The following ERICH1 variants were observed in gnomAD, a reference collection of about 807,000 sequenced individuals.
ERICH1 encodes glutamate rich 1.
Under a neutral mutation model 39.6 loss-of-function variants are expected in ERICH1, and 56 were observed. That is an observed-to-expected ratio of 1.41 (90% CI 1.14 to 1.77). The LOEUF (loss-of-function observed/expected upper bound fraction) is 1.77, where lower values mean the gene tolerates loss of function less well. ERICH1 is among the 40% of genes most tolerant of loss of function. The pLI, the probability that ERICH1 is intolerant of heterozygous loss-of-function variation, is 0.00. For synonymous variants in ERICH1, 313 were observed against 223.6 expected, an observed-to-expected ratio of 1.40 and a Z score of -3.57; for missense variants, 826 against 575.4, an observed-to-expected ratio of 1.44 and a Z score of -4.45.
chr8:668,536 C>G lies in ERICH1; in HGVS notation c.1258+62G>C, dbSNP rs760410283. ...CTGTTTTGGTGGCGTGTAAGTCTTT[C>G]AGAGGCAAACCTCGATGAGAGTATC... On this transcript the variant is annotated intron_variant, in intron 5 of 5. Coordinates refer to ENST00000262109, the MANE Select transcript of ERICH1 (RefSeq NM_207332.3). The G allele has an allele frequency of 1.9e-6, 3 of 1,594,432 alleles. No individual in the cohort carries two copies. In the African/African-American group the frequency reaches 4.0e-5, roughly 21 times the overall value.
intron 3 of ERICH1, among the ~76,000 whole-genome samples, chr8:622,449 A>C (rs1797341420): frequency 6.6e-6 from 1 of 152,174 alleles, no homozygotes; most frequent in African/African-American, 2.4e-5. Context: ...GGATGCAGTG[A>C]GAAGACACCA....
chr8:650,155 T>G (rs1006872719), intron 3 of ERICH1, among the ~76,000 whole-genome samples: 3 of 152,174 alleles, frequency 2.0e-5, no homozygotes, highest in African/African-American at 7.2e-5. Context: ...GGCGCTTGCG[T>G]GTCCGGCACA....
chr8:698,668 T>A (rs190092660), intron 2 of ERICH1, among the ~76,000 whole-genome samples: 1 of 152,254 alleles, frequency 6.6e-6, no homozygotes, highest in Non-Finnish European at 1.5e-5. Context: ...CAGGTTAGAA[T>A]GCAATGATGC....
intron 1 of ERICH1, among the ~76,000 whole-genome samples, chr8:718,917 C>T (rs1004844843): frequency 6.6e-6 from 1 of 151,990 alleles, no homozygotes; most frequent in Non-Finnish European, 1.5e-5. Flanking sequence ...CATTGCACTC[C>T]AATCTGTACC....
chr8:710,478 T>A (rs1814471453), intron 2 of ERICH1, among the ~76,000 whole-genome samples: 3 of 148,808 alleles, frequency 2.0e-5, no homozygotes, highest in Admixed American at 6.6e-5. Context: ...CACCTGCTCC[T>A]TCCAGTCCTC....
rs182654273 is a variant in ERICH1, at chr8:665,599, T to C, written c.1259-923A>G. 3.8e-3 allele frequency among the ~76,000 whole-genome samples: 582 copies of C among 152,250 alleles called. 8 individuals carry two copies. Among genetic ancestry groups the C allele is most frequent in the African/African-American group, 0.013 (540 of 41,540 alleles). ...AAAAATCTAATTCCCATACAGAGAA[T>C]TAGAGGAGGTTGATGTTCGGAAATC... On this transcript the variant is annotated intron_variant, in intron 5 of 5. Coordinates refer to ENST00000262109, the MANE Select transcript of ERICH1 (RefSeq NM_207332.3).
intron 3 of ERICH1, among the ~76,000 whole-genome samples, chr8:620,941 C>T (rs2117030865): frequency 6.6e-6 from 1 of 152,256 alleles, no homozygotes; most frequent in South Asian, 2.1e-4. Flanking sequence ...ATCTACAGAA[C>T]ACTTCACCAA....
chr8:720,799 T>C lies in ERICH1; in HGVS notation c.23-4792A>G, dbSNP rs62484218. On this transcript the variant is annotated intron_variant, in intron 1 of 5. Coordinates refer to ENST00000262109, the MANE Select transcript of ERICH1 (RefSeq NM_207332.3). Reference sequence around the variant, plus strand: ...CATGTTGCATGGGTGTTCTAGAACCTAGTGAAGGAAAACGTCTTTCCCAGT... The same window carrying C: ...CATGTTGCATGGGTGTTCTAGAACCCAGTGAAGGAAAACGTCTTTCCCAGT... Among the ~76,000 whole-genome samples, 579 of 152,302 alleles carry C rather than the reference T, an allele frequency of 3.8e-3. 3 individuals are homozygous for C. Among genetic ancestry groups the C allele is most frequent in the Non-Finnish European group, 6.1e-3 (412 of 68,026 alleles).
rs545669633 is a variant in ERICH1, at chr8:693,862, T to G, written c.170-1250A>C. ...TCTGCGCACGTGGCTGTTTGGTTCC[T>G]GCACAGGGATCTGCTGGTTTAGGGG... On this transcript the variant is annotated intron_variant, in intron 2 of 5. Coordinates refer to ENST00000262109, the MANE Select transcript of ERICH1 (RefSeq NM_207332.3). Among the ~76,000 whole-genome samples the G allele has an allele frequency of 1.4e-4, 21 of 152,356 alleles. 1 individual carries two copies. The highest frequency in any genetic ancestry group is 2.0e-4 in the Admixed American group (3 of 15,308).
intron 3 of ERICH1, among the ~76,000 whole-genome samples, chr8:633,778 T>A (rs1337379295): frequency 6.6e-6 from 1 of 152,206 alleles, no homozygotes. Context: ...ATGGCAGGAC[T>A]CCTCAATGGG....
intron 3 of ERICH1, among the ~76,000 whole-genome samples, chr8:638,563 C>T (rs911580425): frequency 1.4e-4 from 22 of 152,202 alleles, no homozygotes; most frequent in African/African-American, 4.8e-4. Flanking sequence ...GAGCTGTGAT[C>T]GTGTACGAGG....
At chr8:705,357 A>G (rs1813032942) in intron 2 of ERICH1, among the ~76,000 whole-genome samples, 1 of 152,222 alleles carries the variant, frequency 6.6e-6, no homozygotes, top group East Asian at 1.9e-4. Context: ...CACGGTTCTT[A>G]CGTTTTTTAT....
In ERICH1 at chr8:673,718, C is replaced by G; in HGVS notation, c.634G>C (p.Asp212His). Residue 212 changes from aspartate to histidine, a missense_variant, in exon 4 of 6, where the codon GAC (aspartate) becomes CAC (histidine). By Grantham distance (81) the Asp-to-His change is moderately conservative. Transcript: ENST00000262109. ...VGEACEEDGVDTSEEDPTLAG... is the reference protein window; with the variant it reads ...VGEACEEDGVHTSEEDPTLAG... The stretch of plus-strand genomic sequence containing the variant: ...AGTGTCGGGTCTTCCTCGCTGGTGT[C>G]CACACCATCCTCCTCACAAGCCTCT... 2 of 1,614,186 alleles carry G rather than the reference C, an allele frequency of 1.2e-6. No homozygotes were observed. The highest frequency in any genetic ancestry group is 1.6e-4 in the Middle Eastern group (1 of 6,062).
intron 3 of ERICH1, chr8:627,293 C>T (rs1289195298): frequency 2.3e-6 from 1 of 443,872 alleles, no homozygotes. Flanking sequence ...GGGTGTATAA[C>T]AGGCCAGGGG....
chr8:663,544 C>A (rs910595209), downstream of ERICH1, among the ~76,000 whole-genome samples: 44 of 152,192 alleles, frequency 2.9e-4, no homozygotes, highest in African/African-American at 9.9e-4. Context: ...ACAGGCAGGA[C>A]AGGCGGGACA....
chr8:686,374 G>A (rs1807375634), intron 3 of ERICH1, among the ~76,000 whole-genome samples: 1 of 151,872 alleles, frequency 6.6e-6, no homozygotes, highest in Non-Finnish European at 1.5e-5. Flanking sequence ...TGGAAATCGA[G>A]TAACTATGTT....
At chr8:671,956 T>C in intron 4 of ERICH1, 1 of 158,610 alleles carries the variant, frequency 6.3e-6, no homozygotes, top group Non-Finnish European at 1.4e-5. Flanking sequence ...CCTGTGAGGC[T>C]GGTTTTTCTG....
chr8:626,198 G>C (rs529410370), intron 3 of ERICH1: 22 of 152,310 alleles, frequency 1.4e-4, no homozygotes, highest in African/African-American at 5.3e-4. Flanking sequence ...GCACAGAATT[G>C]TCTGTAGAGT....
At chr8:682,781 T>G (rs546556700) in intron 3 of ERICH1, among the ~76,000 whole-genome samples, 5 of 152,350 alleles carry the variant, frequency 3.3e-5, no homozygotes, top group African/African-American at 1.2e-4. Context: ...AGTCTTCAGA[T>G]TCTAATTCTC....
Sources: allele counts gnomAD v4.1 joint callset (sites outside exome capture counted in the v4.1 genomes callset), GRCh38; gene constraint gnomAD v4.1.1; transcripts MANE v1.5; gene names NCBI Gene and HGNC (gene_info 2026-07-23, HGNC 2026-07-21).